The following VPS41 variants were observed in gnomAD, a reference collection of about 807,000 sequenced individuals.
The protein encoded by VPS41 is vacuolar protein sorting-associated protein 41 homolog.
Under a neutral mutation model 130.9 loss-of-function variants are expected in VPS41, and 85 were observed. The ratio of observed to expected loss-of-function variants is 0.65; its 90% confidence interval spans 0.55 to 0.78. VPS41 has a LOEUF of 0.78. VPS41 is among the 30% of genes least tolerant of loss of function. VPS41 has a pLI of 0.00. For synonymous variants in VPS41, 335 were observed against 332.9 expected, an observed-to-expected ratio of 1.01 and a Z score of -0.07; for missense variants, 874 against 1,018.7, an observed-to-expected ratio of 0.86 and a Z score of 1.93.
intron 25 of VPS41, among the ~76,000 whole-genome samples, chr7:38,733,444 A>C (rs148802120): frequency 6.6e-6 from 1 of 152,156 alleles, no homozygotes; most frequent in Admixed American, 6.5e-5. Flanking sequence ...GGAATTTGCA[A>C]ATACATTTTG....
intron 4 of VPS41, among the ~76,000 whole-genome samples, chr7:38,832,252 C>A (rs1418821435): frequency 6.6e-6 from 1 of 150,730 alleles, no homozygotes; most frequent in Non-Finnish European, 1.5e-5. Context: ...TATTTTTTTG[C>A]ATGATGGTTA....
At chr7:38,836,564 T>C (rs1038681080) in intron 4 of VPS41, among the ~76,000 whole-genome samples, 3 of 152,128 alleles carry the variant, frequency 2.0e-5, no homozygotes, top group African/African-American at 4.8e-5. Context: ...TAAAGGATAT[T>C]TACCCCATGT....
At chr7:38,793,942 C>G (rs969119171) in intron 9 of VPS41, among the ~76,000 whole-genome samples, 1 of 152,178 alleles carries the variant, frequency 6.6e-6, no homozygotes, top group East Asian at 1.9e-4. Flanking sequence ...TTAATCATAT[C>G]TTTTGCTAAA....
chr7:38,854,608 T>C (rs1785938680), intron 4 of VPS41, among the ~76,000 whole-genome samples: 1 of 152,054 alleles, frequency 6.6e-6, no homozygotes, highest in Admixed American at 6.5e-5. Flanking sequence ...GAGGAAGGTA[T>C]GAAAAAAACC....
Position 38,754,698 on chromosome 7 carries a change from T to G in VPS41, c.1788+4A>C. 6.2e-7 allele frequency: 1 copy of G among 1,612,864 alleles called. No individual in the cohort carries two copies. The highest frequency in any genetic ancestry group is 2.2e-5 in the East Asian group (1 of 44,744). On this transcript the variant is annotated splice_donor_region_variant and intron_variant, in intron 21 of 28. Transcript: ENST00000310301. ...GGGCAAAAGGAGGAGACTGCCATGC[T>G]CACCACATGCTGTAGCTCTGGTCTG...
intron 4 of VPS41, among the ~76,000 whole-genome samples, chr7:38,847,467 G>A (rs1410219704): frequency 6.6e-6 from 1 of 152,144 alleles, no homozygotes; most frequent in African/African-American, 2.4e-5. Flanking sequence ...CAGAAATGGG[G>A]TTGTCATCGC....
At chr7:38,796,168 C>A (rs1784614199) in intron 8 of VPS41, among the ~76,000 whole-genome samples, 1 of 152,170 alleles carries the variant, frequency 6.6e-6, no homozygotes, top group Non-Finnish European at 1.5e-5. Context: ...CCATTTAAAA[C>A]TGAATAGAAC....
At chr7:38,809,733 T>C (rs1038302736) in intron 7 of VPS41, among the ~76,000 whole-genome samples, 1 of 152,182 alleles carries the variant, frequency 6.6e-6, no homozygotes, top group Non-Finnish European at 1.5e-5. Flanking sequence ...CCCCTCATTC[T>C]ATCCCACCGT....
intron 4 of VPS41, among the ~76,000 whole-genome samples, chr7:38,836,229 T>C (rs904721194): frequency 2.6e-5 from 4 of 152,080 alleles, no homozygotes; most frequent in African/African-American, 7.2e-5. Flanking sequence ...TAGATGCTGT[T>C]GATCTACTTT....
At chr7:38,862,662 T>C in intron 3 of VPS41, 40 bp from the exon 4 acceptor site, 4 of 1,088,004 alleles carry the variant, frequency 3.7e-6, no homozygotes, top group South Asian at 1.3e-5. Flanking sequence ...TAATTAATAA[T>C]ACTATTAATA....
At chr7:38,854,487 G>A (rs759351436) in intron 4 of VPS41, among the ~76,000 whole-genome samples, 3 of 152,176 alleles carry the variant, frequency 2.0e-5, no homozygotes, top group Non-Finnish European at 2.9e-5. Flanking sequence ...GCCCAAAAGA[G>A]TTAGGCTGTT....
intron 5 of VPS41, among the ~76,000 whole-genome samples, chr7:38,826,271 G>A (rs1785273807): frequency 6.6e-6 from 1 of 152,210 alleles, no homozygotes; most frequent in Non-Finnish European, 1.5e-5. Flanking sequence ...CATTGAATCT[G>A]TTTGCTAACC....
At chr7:38,902,777 G>C (rs1787173006) in intron 1 of VPS41, among the ~76,000 whole-genome samples, 1 of 152,180 alleles carries the variant, frequency 6.6e-6, no homozygotes, top group Admixed American at 6.5e-5. Context: ...GTCTCTCAGG[G>C]ATACCCCAGG....
chr7:38,794,227 G>A (rs1784581063), intron 9 of VPS41, among the ~76,000 whole-genome samples: 1 of 152,120 alleles, frequency 6.6e-6, no homozygotes, highest in Non-Finnish European at 1.5e-5. Flanking sequence ...CCACACACGT[G>A]GGACAGGGAG....
intron 7 of VPS41, among the ~76,000 whole-genome samples, chr7:38,810,463 A>G (rs1442179533): frequency 6.6e-6 from 1 of 152,236 alleles, no homozygotes; most frequent in East Asian, 1.9e-4. Context: ...TTGTAATAAG[A>G]TTAAAGAACT....
At position 38,889,539 on chromosome 7, in the gene VPS41, AAAAACAAAAC is replaced by A. The variant is rs760976887; in HGVS notation, c.60+8542_60+8551del. On this transcript the variant is annotated intron_variant, in intron 2 of 28. Transcript: ENST00000310301. ...AACCACAAATGCTGTATCTGGTTAAAAAAACAAAACAAAACAAAACAAAAAAAAAAAAAAA... is the reference window on the plus strand; with the variant it reads ...AACCACAAATGCTGTATCTGGTTAAAAAAACAAAACAAAAAAAAAAAAAAA... Among the ~76,000 whole-genome samples the A allele has an allele frequency of 6.7e-4, 97 of 144,970 alleles. 2 individuals are homozygous for A. The Admixed American group carries it at 6.7e-3, about 10-fold the overall frequency.
intron 25 of VPS41, among the ~76,000 whole-genome samples, chr7:38,736,667 C>A (rs1795774727): frequency 6.6e-6 from 1 of 152,224 alleles, no homozygotes; most frequent in African/African-American, 2.4e-5. Context: ...CACACAACAG[C>A]ACTATGTAGA....
At chr7:38,848,667 T>C (rs894597431) in intron 4 of VPS41, among the ~76,000 whole-genome samples, 7 of 152,184 alleles carry the variant, frequency 4.6e-5, no homozygotes, top group African/African-American at 1.7e-4. Flanking sequence ...ATCCACACTT[T>C]ACAGATGAAG....
At chr7:38,814,137 G>A (rs1333764519) in intron 7 of VPS41, among the ~76,000 whole-genome samples, 1 of 152,176 alleles carries the variant, frequency 6.6e-6, no homozygotes, top group Non-Finnish European at 1.5e-5. Flanking sequence ...AATGGACTCT[G>A]ACCCAGACTG....
Sources: allele counts gnomAD v4.1 joint callset (sites outside exome capture counted in the v4.1 genomes callset), GRCh38; gene constraint gnomAD v4.1.1; transcripts MANE v1.5; gene names NCBI Gene and HGNC (gene_info 2026-07-23, HGNC 2026-07-21).